SASH1: variants seen among roughly 807,000 people sequenced by gnomAD.
SASH1 encodes the protein SAM and SH3 domain-containing protein 1.
Under a neutral mutation model 125.2 loss-of-function variants are expected in SASH1, and 44 were observed. The ratio of observed to expected loss-of-function variants is 0.35; its 90% CI spans 0.28 to 0.45. The LOEUF is 0.45. Ranked by LOEUF, SASH1 falls within the 20% of genes least tolerant of loss-of-function variation. The probability of loss-of-function intolerance (pLI) is 1.00; values close to 1 mark genes in which losing one functional copy is unlikely to be tolerated. For missense variants in SASH1, 1,426 were observed against 1,614.5 expected (o/e 0.88, Z 2.00); for synonymous variants, 639 against 649.1 (o/e 0.98, Z 0.24).
chr6:148,326,694 G>T (rs143840231), intron 1 of SASH1, among the ~76,000 whole-genome samples: 35 of 151,980 alleles, frequency 2.3e-4, no homozygotes, highest in African/African-American at 6.8e-4. Context: ...GAGCCACCTC[G>T]CCTGGCCGCC....
chr6:148,340,314 C>T (rs1331656574), upstream of SASH1, among the ~76,000 whole-genome samples: 1 of 151,934 alleles, frequency 6.6e-6, no homozygotes, highest in Admixed American at 6.6e-5. Context: ...GAAACCCCGT[C>T]TCTACTAAAA....
At chr6:148,369,192 C>A (rs1289765560) in intron 1 of SASH1, among the ~76,000 whole-genome samples, 1 of 152,154 alleles carries the variant, frequency 6.6e-6, no homozygotes, top group Admixed American at 6.6e-5. Flanking sequence ...TCCAGGAATG[C>A]AGCACAGAGG....
At chr6:148,211,583 A>G in the SASH1 span, among the ~76,000 whole-genome samples, 1 of 152,180 alleles carries the variant, frequency 6.6e-6, no homozygotes. Context: ...AGGGAAAAAA[A>G]AAAAAAGCAC....
chr6:148,286,333 G>A (rs1481765608), intron 1 of SASH1, among the ~76,000 whole-genome samples: 3 of 151,990 alleles, frequency 2.0e-5, no homozygotes, highest in East Asian at 1.9e-4. Context: ...CCTGGGAGGC[G>A]GAGGTTGCTG....
chr6:148,426,082 G>A (rs1157949144), intron 2 of SASH1, among the ~76,000 whole-genome samples: 1 of 151,952 alleles, frequency 6.6e-6, no homozygotes, highest in Non-Finnish European at 1.5e-5. Context: ...GGTGGCACAC[G>A]CCTGTAATCC....
At chr6:148,546,209 C>T in intron 19 of SASH1, 63 bp downstream of exon 19, 1 of 1,558,150 alleles carries the variant, frequency 6.4e-7, no homozygotes, top group Non-Finnish European at 8.7e-7. Context: ...TAGTGATGAC[C>T]ATACTAACAA....
At chr6:148,358,919 TAGAGACGGGGTTTCACCGTGTTAGCCA>T in intron 1 of SASH1, among the ~76,000 whole-genome samples, 1 of 151,898 alleles carries the variant, frequency 6.6e-6, no homozygotes. Context: ...GTATTTTTAG[TAGAGACGGGGTTTCACCGTGTTAGCCA>T]GGATGGTCTT....
intron 1 of SASH1, among the ~76,000 whole-genome samples, chr6:148,354,261 G>A (rs1781843261): frequency 6.6e-6 from 1 of 152,140 alleles, no homozygotes; most frequent in Non-Finnish European, 1.5e-5. Context: ...GAAAATGCTT[G>A]TAATAAAAGT....
At position 148,547,162 on chromosome 6, in the gene SASH1, C is replaced by T. The variant is rs559522598; in HGVS notation, c.3480+1016C>T. 4.6e-5 allele frequency among the ~76,000 whole-genome samples: 7 copies of T among 152,258 alleles called. No homozygotes were observed. In the East Asian group the frequency reaches 1.2e-3, roughly 25 times the overall value. On this transcript the variant is annotated intron_variant, in intron 19 of 19. Coordinates refer to ENST00000367467, the MANE Select transcript of SASH1 (RefSeq NM_015278.5). ...GAAGCACTTAAGGGCTTCTCTTTGCCACGTGCGAATGGCCAGCATCGTTAC... is the reference window on the plus strand; with the variant it reads ...GAAGCACTTAAGGGCTTCTCTTTGCTACGTGCGAATGGCCAGCATCGTTAC...
chr6:148,358,042 A>G (rs1195781396), intron 1 of SASH1, among the ~76,000 whole-genome samples: 2 of 144,232 alleles, frequency 1.4e-5, no homozygotes, highest in Admixed American at 7.1e-5. Context: ...ACTGGGCAAC[A>G]AGAGCAAAAC....
intron 8 of SASH1, among the ~76,000 whole-genome samples, chr6:148,491,356 G>T (rs952314380): frequency 3.9e-5 from 6 of 152,138 alleles, no homozygotes; most frequent in Admixed American, 2.6e-4. Context: ...TGCAACTTCT[G>T]CCTCCTGGGT....
chr6:148,481,410 T>C (rs547559677), intron 7 of SASH1, among the ~76,000 whole-genome samples: 1 of 152,304 alleles, frequency 6.6e-6, no homozygotes, highest in South Asian at 2.1e-4. Flanking sequence ...ACTTTTCCTT[T>C]GCATTCCCAA....
chr6:148,251,768 A>G, the SASH1 span, among the ~76,000 whole-genome samples: 1 of 151,636 alleles, frequency 6.6e-6, no homozygotes, highest in Non-Finnish European at 1.5e-5. Flanking sequence ...GTGCCATACT[A>G]GTGTGCTGCA....
chr6:148,273,949 A>G (rs1779124731), intron 1 of SASH1, among the ~76,000 whole-genome samples: 1 of 152,238 alleles, frequency 6.6e-6, no homozygotes, highest in Non-Finnish European at 1.5e-5. Context: ...AAGAAATGTC[A>G]GTTTGGGCAT....
rs186371026 is a variant in SASH1 at position 148,405,083 on chromosome 6, G to A, written c.285+14821G>A. 6.2e-4 allele frequency among the ~76,000 whole-genome samples: 94 copies of A among 151,986 alleles called. 1 individual carries two copies. Among genetic ancestry groups the A allele is most frequent in the African/African-American group, 2.2e-3 (93 of 41,472 alleles). ...GCTTGCAGAACTTACTGCTCAAACC[G>A]GGGATACTCCTGCCTTCTGCCTCTT... On this transcript the variant is annotated intron_variant, in intron 2 of 19. Transcript: ENST00000367467.
At chr6:148,421,772 C>A (rs1785115068) in intron 2 of SASH1, among the ~76,000 whole-genome samples, 1 of 152,206 alleles carries the variant, frequency 6.6e-6, no homozygotes. Flanking sequence ...GAAAAAGTTA[C>A]CAGTTTGGAA....
chr6:148,265,378 A>G, the SASH1 span, among the ~76,000 whole-genome samples: 1 of 151,944 alleles, frequency 6.6e-6, no homozygotes, highest in South Asian at 2.1e-4. Flanking sequence ...GGAGGGAGGG[A>G]GGAAGGAAAA....
intron 1 of SASH1, among the ~76,000 whole-genome samples, chr6:148,283,787 C>T (rs2493922): frequency 0.038 from 5,769 of 152,038 alleles, 148 homozygotes; most frequent in Middle Eastern, 0.068. Context: ...AAAATGAGTA[C>T]TCCCCACTTG....
At chr6:148,267,883 T>C (rs1778982225), upstream of SASH1, among the ~76,000 whole-genome samples, 1 of 152,186 alleles carries the variant, frequency 6.6e-6, no homozygotes, top group African/African-American at 2.4e-5. Flanking sequence ...CAAGCAATTA[T>C]GAGAAACAAT....
Sources: gnomAD v4.1 joint callset for allele counts (sites outside exome capture counted in the v4.1 genomes callset) on GRCh38, gnomAD v4.1.1 for gene constraint, MANE v1.5 for transcripts, NCBI Gene and HGNC (gene_info 2026-07-23, HGNC 2026-07-21) for gene names.